Variants in GLB1 observed in about 807,000 individuals in gnomAD.
GLB1 encodes beta-galactosidase.
A neutral mutation model predicts 74.0 loss-of-function variants in GLB1; 56 were observed. That is an observed-to-expected ratio of 0.76 (90% CI 0.61 to 0.94). The LOEUF (loss-of-function observed/expected upper bound fraction) is 0.94. Among genes scored for constraint, GLB1 ranks in the 40% least tolerant of loss-of-function variants. The pLI, the probability that GLB1 is intolerant of heterozygous loss-of-function variation, is 0.00. For synonymous variants in GLB1, 323 were observed against 323.6 expected (o/e 1.00, Z 0.02); for missense variants, 787 against 845.5 (o/e 0.93, Z 0.86).
At chr3:33,038,984 C>A (rs7643224) in intron 10 of GLB1, among the ~76,000 whole-genome samples, 15,077 of 151,892 alleles carry the variant, frequency 0.099, 921 homozygotes, top group Non-Finnish European at 0.14. Context: ...ACTATCTGAT[C>A]AAAAACGAAT....
chr3:33,093,449 G>A lies in GLB1; in HGVS notation c.75+3562C>T. 1 of 1,614,152 alleles carries A rather than the reference G, an allele frequency of 6.2e-7. No homozygotes were observed. The highest frequency in any genetic ancestry group is 8.5e-7 in the Non-Finnish European group (1 of 1,180,032). On this transcript the variant is annotated intron_variant, in intron 1 of 15. Transcript: ENST00000307363. The surrounding 1 kb of genome is among the most constrained non-coding windows in gnomAD (Gnocchi z 6.0). Reference sequence around the variant, plus strand: ...CCGTCCGCAGGACCGAGGCTTCTGAGTCGGAGAGGTCACCCACAATCACCG... The same window carrying A: ...CCGTCCGCAGGACCGAGGCTTCTGAATCGGAGAGGTCACCCACAATCACCG...
At chr3:33,065,342 G>A in intron 5 of GLB1, 121 bp downstream of exon 5, 1 of 1,304,450 alleles carries the variant, frequency 7.7e-7, no homozygotes, top group Non-Finnish European at 1.1e-6. Context: ...CACTATCTGT[G>A]GCATTACCTC....
intron 15 of GLB1, among the ~76,000 whole-genome samples, chr3:33,009,122 A>AAAATAAATAAATAAAT (rs201038052): frequency 0.086 from 11,757 of 137,352 alleles, 918 homozygotes; most frequent in East Asian, 0.39. Context: ...TCCATCTTAA[A>AAAATAAATAAATAAAT]AAATAAATAA....
At chr3:33,079,923 G>GGGGT (rs1243633635) in intron 1 of GLB1, among the ~76,000 whole-genome samples, 6 of 152,006 alleles carry the variant, frequency 3.9e-5, no homozygotes, top group Non-Finnish European at 8.8e-5. Flanking sequence ...TGGGACCACA[G>GGGGT]GGGTGCGCCA....
intron 5 of GLB1, among the ~76,000 whole-genome samples, chr3:33,059,676 C>T (rs938830590): frequency 5.3e-5 from 8 of 152,154 alleles, no homozygotes; most frequent in African/African-American, 1.4e-4. Context: ...TCAACAAGGA[C>T]ACCTGGGAAG....
At chr3:32,986,977 C>A in the GLB1 span, among the ~76,000 whole-genome samples, 1 of 152,224 alleles carries the variant, frequency 6.6e-6, no homozygotes. Context: ...TAGAGACCGA[C>A]AGCAGATGCT....
chr3:33,094,588 G>A (rs1700922839), intron 1 of GLB1, among the ~76,000 whole-genome samples: 1 of 152,146 alleles, frequency 6.6e-6, no homozygotes, highest in Admixed American at 6.5e-5. Flanking sequence ...TTCAAAGTGT[G>A]GTCTGGAGAG....
At chr3:32,995,356 T>C (rs1001026951), downstream of GLB1, among the ~76,000 whole-genome samples, 2 of 152,158 alleles carry the variant, frequency 1.3e-5, no homozygotes, top group African/African-American at 4.8e-5. Context: ...TTGAGTATCA[T>C]TTTATGTTTT....
At chr3:33,092,113 G>A (rs1700787727) in intron 1 of GLB1, 1 of 985,446 alleles carries the variant, frequency 1.0e-6, no homozygotes, top group African/African-American at 1.7e-5. Context: ...GAATTCCTAA[G>A]CAGCCATGTT....
At chr3:33,000,673 G>A (rs1405989260) in intron 15 of GLB1, among the ~76,000 whole-genome samples, 2 of 152,188 alleles carry the variant, frequency 1.3e-5, no homozygotes, top group Non-Finnish European at 2.9e-5. Context: ...GTTGCAGTGA[G>A]CTGAGATTGC....
Position 32,996,979 on chromosome 3 carries a change from G to C in GLB1, c.*66C>G. 1 of 1,612,488 alleles carries C rather than the reference G, an allele frequency of 6.2e-7. No individual in the cohort carries two copies. Among genetic ancestry groups the C allele is most frequent in the South Asian group, 1.1e-5 (1 of 90,548 alleles). Reference sequence around the variant, plus strand: ...TCCACATTCCAATCAGTGAAATGTGGCATGACAGGGAGGATCTGTGAGGTA... The same window carrying C: ...TCCACATTCCAATCAGTGAAATGTGCCATGACAGGGAGGATCTGTGAGGTA... On this transcript the variant is annotated 3_prime_UTR_variant, in exon 16 of 16. Transcript: ENST00000307363.
At chr3:33,080,064 G>A (rs1034605782) in intron 1 of GLB1, among the ~76,000 whole-genome samples, 6 of 151,846 alleles carry the variant, frequency 4.0e-5, no homozygotes, top group South Asian at 4.2e-4. Context: ...GATTACTGGC[G>A]TGAGCCACTG....
rs534636213 is a variant in GLB1, at chr3:33,074,318, C to T, written c.76-1605G>A. ...AGCGAGACTCCGTCAAAAGAAAGAA[C>T]GAGAAAGAAGGAAGGAAGGAAGGAA... is the stretch of plus-strand genomic sequence containing the variant. On this transcript the variant is annotated intron_variant, in intron 1 of 15. Transcript: ENST00000307363. 3.3e-3 allele frequency among the ~76,000 whole-genome samples: 261 copies of T among 79,012 alleles called. 3 individuals carry two copies. Among genetic ancestry groups the T allele is most frequent in the Middle Eastern group, 0.01 (1 of 98 alleles). 51.8% of individuals were successfully genotyped at this position (79,012 alleles called of 152,430 possible).
chr3:33,056,149 C>T (rs1405944936), intron 6 of GLB1, among the ~76,000 whole-genome samples: 2 of 139,820 alleles, frequency 1.4e-5, no homozygotes, highest in East Asian at 2.3e-4. Context: ...AATGCTTGAA[C>T]CCAGGAGGCA....
chr3:33,030,490 G>T, intron 10 of GLB1: 1 of 985,262 alleles, frequency 1.0e-6, no homozygotes, highest in Non-Finnish European at 1.2e-6. Flanking sequence ...TAAAACACTG[G>T]TTTTCACCAG....
chr3:33,048,165 T>C (rs1388939470), intron 9 of GLB1, among the ~76,000 whole-genome samples: 1 of 152,058 alleles, frequency 6.6e-6, no homozygotes, highest in Non-Finnish European at 1.5e-5. Context: ...GGTTGCCAGG[T>C]TGAGTTGGGA....
intron 2 of GLB1, among the ~76,000 whole-genome samples, chr3:33,071,834 T>C (rs1699900464): frequency 6.6e-6 from 1 of 152,006 alleles, no homozygotes; most frequent in Non-Finnish European, 1.5e-5. Flanking sequence ...CCTTCTCCCT[T>C]CTAGACCCTC....
downstream of GLB1, among the ~76,000 whole-genome samples, chr3:32,995,803 C>T (rs1447362013): frequency 6.7e-6 from 1 of 148,694 alleles, no homozygotes; most frequent in Non-Finnish European, 1.5e-5. Flanking sequence ...TACAATCATG[C>T]CATTGCACTT....
chr3:33,074,207 G>A (rs1367559925), intron 1 of GLB1, among the ~76,000 whole-genome samples: 1 of 150,470 alleles, frequency 6.6e-6, no homozygotes, highest in East Asian at 2.0e-4. Flanking sequence ...CTACTCGGGA[G>A]ATTGGGGCAG....
Sources: gnomAD v4.1 joint callset for allele counts (sites outside exome capture counted in the v4.1 genomes callset) on GRCh38, gnomAD v4.1.1 for gene constraint, Gnocchi (gnomAD v3.1) non-coding constraint, MANE v1.5 for transcripts, NCBI Gene and HGNC (gene_info 2026-07-23, HGNC 2026-07-21) for gene names.